CYP39A1: variants seen among roughly 807,000 people sequenced by gnomAD.
The protein encoded by CYP39A1 is cytochrome P450 family 39 subfamily A member 1.
In CYP39A1, 49 loss-of-function variants were observed where a neutral mutation model predicts 58.1. The observed-to-expected ratio is 0.84, with a 90% CI of 0.67 to 1.07. The LOEUF (loss-of-function observed/expected upper bound fraction) is 1.07. Among genes scored for constraint, CYP39A1 ranks in the 50% least tolerant of loss-of-function variants. The probability of loss-of-function intolerance (pLI) is 0.00; values close to 1 mark genes in which losing one functional copy is unlikely to be tolerated. For synonymous variants in CYP39A1, 209 were observed against 187.6 expected, an observed-to-expected ratio of 1.11 and a Z score of -0.93; for missense variants, 531 against 539.4, an observed-to-expected ratio of 0.98 and a Z score of 0.16.
chr6:46,579,976 T>C (rs969096217), intron 10 of CYP39A1, among the ~76,000 whole-genome samples: 2 of 151,990 alleles, frequency 1.3e-5, no homozygotes, highest in African/African-American at 2.4e-5. Flanking sequence ...ACTACCAAAG[T>C]CATTTTCCAC....
chr6:46,613,725 T>G (rs1774356227), intron 7 of CYP39A1, among the ~76,000 whole-genome samples: 1 of 150,338 alleles, frequency 6.7e-6, no homozygotes, highest in Non-Finnish European at 1.5e-5. Flanking sequence ...TAGGAAAGAA[T>G]GAGCCTCTAT....
intron 7 of CYP39A1, among the ~76,000 whole-genome samples, chr6:46,614,447 T>C (rs747655590): frequency 6.6e-6 from 1 of 152,198 alleles, no homozygotes; most frequent in African/African-American, 2.4e-5. Flanking sequence ...CACAGTTCTC[T>C]TTTCACCTGA....
At chr6:46,576,040 G>A (rs1028981255) in intron 10 of CYP39A1, among the ~76,000 whole-genome samples, 4 of 152,270 alleles carry the variant, frequency 2.6e-5, no homozygotes, top group African/African-American at 7.2e-5. Context: ...GGATATGGCC[G>A]AACTTCAGGA....
At chr6:46,570,985 T>C (rs948983550) in intron 10 of CYP39A1, among the ~76,000 whole-genome samples, 5 of 152,242 alleles carry the variant, frequency 3.3e-5, no homozygotes, top group East Asian at 1.9e-4. Flanking sequence ...CTTTGGCCCA[T>C]TGTCATTCAG....
intron 10 of CYP39A1, among the ~76,000 whole-genome samples, chr6:46,558,534 G>T (rs1203007141): frequency 6.6e-6 from 1 of 152,068 alleles, no homozygotes; most frequent in Non-Finnish European, 1.5e-5. Flanking sequence ...CTCCAAATGT[G>T]GAGATTATAA....
intron 9 of CYP39A1, among the ~76,000 whole-genome samples, chr6:46,587,566 T>C (rs1582342759): frequency 6.6e-6 from 1 of 152,170 alleles, no homozygotes; most frequent in African/African-American, 2.4e-5. Flanking sequence ...TGGATGCCAT[T>C]TTTGACAGTT....
intron 10 of CYP39A1, among the ~76,000 whole-genome samples, chr6:46,585,113 A>C (rs1419883701): frequency 6.6e-6 from 1 of 152,042 alleles, no homozygotes; most frequent in Non-Finnish European, 1.5e-5. Flanking sequence ...TATTATACCA[A>C]TTACTTTCAA....
At chr6:46,579,203 T>C (rs1313691993) in intron 10 of CYP39A1, among the ~76,000 whole-genome samples, 1 of 152,052 alleles carries the variant, frequency 6.6e-6, no homozygotes, top group African/African-American at 2.4e-5. Flanking sequence ...ATTGGTTCAA[T>C]ATAAACAAAT....
intron 7 of CYP39A1, among the ~76,000 whole-genome samples, chr6:46,612,601 G>T (rs1774281123): frequency 6.6e-6 from 1 of 152,204 alleles, no homozygotes; most frequent in Admixed American, 6.5e-5. Flanking sequence ...AAAGGTAAAT[G>T]AGGCTATGTG....
chr6:46,646,053 T>C (rs991175540), intron 1 of CYP39A1, among the ~76,000 whole-genome samples: 3 of 152,128 alleles, frequency 2.0e-5, no homozygotes, highest in African/African-American at 7.2e-5. Context: ...GACAATCATG[T>C]AATCTGCAAA....
intron 7 of CYP39A1, among the ~76,000 whole-genome samples, chr6:46,610,424 C>G (rs1774141752): frequency 6.6e-6 from 1 of 152,108 alleles, no homozygotes; most frequent in Non-Finnish European, 1.5e-5. Context: ...TCACTGCAGC[C>G]TCGAACTCTT....
chr6:46,631,522 T>C (rs1374964818), intron 5 of CYP39A1, among the ~76,000 whole-genome samples: 1 of 152,228 alleles, frequency 6.6e-6, no homozygotes, highest in African/African-American at 2.4e-5. Context: ...TGTGTGTTAT[T>C]ATCTCTGCCC....
chr6:46,617,266 T>C (rs1022347013), intron 7 of CYP39A1, among the ~76,000 whole-genome samples: 6 of 152,164 alleles, frequency 3.9e-5, no homozygotes, highest in African/African-American at 1.4e-4. Context: ...ATAAGTTTAC[T>C]TATATGTAAA....
chr6:46,561,962 C>T (rs1432741330), intron 10 of CYP39A1, among the ~76,000 whole-genome samples: 1 of 152,150 alleles, frequency 6.6e-6, no homozygotes, highest in Non-Finnish European at 1.5e-5. Context: ...GTTCAATATA[C>T]TGATTGTATA....
At chr6:46,643,245 T>C (rs1261471478) in intron 1 of CYP39A1, among the ~76,000 whole-genome samples, 2 of 152,212 alleles carry the variant, frequency 1.3e-5, no homozygotes, top group Non-Finnish European at 2.9e-5. Flanking sequence ...GTCTTCTCCA[T>C]GACTCTATCA....
chr6:46,580,029 A>C (rs1772039705), intron 10 of CYP39A1, among the ~76,000 whole-genome samples: 1 of 152,178 alleles, frequency 6.6e-6, no homozygotes, highest in Admixed American at 6.5e-5. Flanking sequence ...GGAACCAAAA[A>C]AGAGCCCAAA....
At chr6:46,578,450 AAT>A (rs1771956556) in intron 10 of CYP39A1, among the ~76,000 whole-genome samples, 1 of 152,032 alleles carries the variant, frequency 6.6e-6, no homozygotes, top group South Asian at 2.1e-4. Flanking sequence ...GAGATGCAAA[AAT>A]CGAGACGCAA....
At chr6:46,556,315 A>G (rs1162730044) in intron 10 of CYP39A1, among the ~76,000 whole-genome samples, 1 of 152,230 alleles carries the variant, frequency 6.6e-6, no homozygotes, top group Non-Finnish European at 1.5e-5. Context: ...TTATTAATTC[A>G]GCAGACAGAG....
At chr6:46,587,809 T>G (rs528216556) in intron 9 of CYP39A1, among the ~76,000 whole-genome samples, 1 of 152,280 alleles carries the variant, frequency 6.6e-6, no homozygotes, top group African/African-American at 2.4e-5. Flanking sequence ...TAAAATGTAT[T>G]TTAAAGTTAG....
Sources: gnomAD v4.1 joint callset for allele counts (sites outside exome capture counted in the v4.1 genomes callset) on GRCh38, gnomAD v4.1.1 for gene constraint, MANE v1.5 for transcripts, NCBI Gene and HGNC (gene_info 2026-07-23, HGNC 2026-07-21) for gene names.